PPARGC1A: variants seen among roughly 807,000 people sequenced by gnomAD.
PPARGC1A encodes PPARG coactivator 1 alpha.
Under a neutral mutation model 88.7 loss-of-function variants are expected in PPARGC1A, and 25 were observed. That is an observed-to-expected ratio of 0.28 (90% CI 0.21 to 0.39). The LOEUF is 0.39. Ranked by LOEUF, PPARGC1A falls within the 10% of genes least tolerant of loss-of-function variation. The pLI is 1.00. For synonymous variants in PPARGC1A, 363 were observed against 355.6 expected, an observed-to-expected ratio of 1.02 and a Z score of -0.24; for missense variants, 880 against 968.7, an observed-to-expected ratio of 0.91 and a Z score of 1.22.
the PPARGC1A span, among the ~76,000 whole-genome samples, chr4:24,387,263 ATGT>A: frequency 1.3e-5 from 2 of 152,230 alleles, no homozygotes; most frequent in Non-Finnish European, 2.9e-5. Context: ...AAAGACTTAA[ATGT>A]AAGACCTAAA....
chr4:23,842,886 A>G (rs1727313669), intron 2 of PPARGC1A, among the ~76,000 whole-genome samples: 1 of 152,156 alleles, frequency 6.6e-6, no homozygotes, highest in African/African-American at 2.4e-5. Context: ...CATCTATGCT[A>G]GATTTATTCT....
At chr4:23,879,179 T>G (rs1234776790) in intron 2 of PPARGC1A, among the ~76,000 whole-genome samples, 1 of 152,238 alleles carries the variant, frequency 6.6e-6, no homozygotes, top group Admixed American at 6.5e-5. Flanking sequence ...TGAGGTTGTA[T>G]ATACATGCAT....
the PPARGC1A span, among the ~76,000 whole-genome samples, chr4:24,342,279 CA>C: frequency 4.6e-5 from 7 of 150,992 alleles, no homozygotes; most frequent in African/African-American, 1.2e-4. Context: ...ATTCAAGTTT[CA>C]AAAAAAAATC....
the PPARGC1A span, among the ~76,000 whole-genome samples, chr4:24,166,848 C>G: frequency 1.3e-5 from 2 of 152,196 alleles, no homozygotes; most frequent in South Asian, 4.1e-4. Context: ...GACAATACAC[C>G]TGGTCACCCA....
chr4:24,325,781 A>G, the PPARGC1A span, among the ~76,000 whole-genome samples: 6 of 152,108 alleles, frequency 3.9e-5, no homozygotes, highest in South Asian at 2.1e-4. Context: ...TAATCAATAC[A>G]GAGGCTACCC....
intron 7 of PPARGC1A, among the ~76,000 whole-genome samples, chr4:23,819,761 C>T (rs570296317): frequency 2.6e-5 from 4 of 152,238 alleles, no homozygotes; most frequent in South Asian, 4.1e-4. Flanking sequence ...CAGTAAGAGT[C>T]GCCAAGCATT....
chr4:24,383,259 A>C, the PPARGC1A span, among the ~76,000 whole-genome samples: 1 of 152,226 alleles, frequency 6.6e-6, no homozygotes, highest in Non-Finnish European at 1.5e-5. Flanking sequence ...AAATCCACAA[A>C]GGTGAGGAAA....
the PPARGC1A span, among the ~76,000 whole-genome samples, chr4:23,973,366 T>C: frequency 2.6e-4 from 40 of 152,208 alleles, no homozygotes; most frequent in Non-Finnish European, 5.3e-4. Context: ...GTTAAAAAGA[T>C]GGAATCTAAA....
intron 2 of PPARGC1A, among the ~76,000 whole-genome samples, chr4:23,842,794 T>G (rs1727295020): frequency 6.6e-6 from 1 of 152,156 alleles, no homozygotes; most frequent in Non-Finnish European, 1.5e-5. Flanking sequence ...ACCCAGGCGA[T>G]TCTGATAATC....
At chr4:23,990,250 G>C in the PPARGC1A span, among the ~76,000 whole-genome samples, 1 of 149,790 alleles carries the variant, frequency 6.7e-6, no homozygotes, top group Non-Finnish European at 1.5e-5. Flanking sequence ...ATAATAAATT[G>C]AGCCTTTTTG....
the PPARGC1A span, among the ~76,000 whole-genome samples, chr4:24,127,932 A>G: frequency 8.7e-4 from 133 of 152,324 alleles, 2 homozygotes; most frequent in East Asian, 0.024. Flanking sequence ...AATCAGACAA[A>G]GACTAGTTTC....
intron 12 of PPARGC1A, among the ~76,000 whole-genome samples, chr4:23,800,343 G>C (rs753123207): frequency 2.0e-5 from 3 of 151,966 alleles, no homozygotes; most frequent in Non-Finnish European, 4.4e-5. Context: ...ACATTAGATG[G>C]GGAATGACAT....
the PPARGC1A span, among the ~76,000 whole-genome samples, chr4:23,932,908 C>T: frequency 1.3e-5 from 2 of 152,146 alleles, no homozygotes; most frequent in Non-Finnish European, 2.9e-5. Context: ...GAATCAGTCT[C>T]GCCGTTCTAA....
the PPARGC1A span, among the ~76,000 whole-genome samples, chr4:24,107,756 T>C: frequency 1.1e-3 from 165 of 152,306 alleles, no homozygotes; most frequent in African/African-American, 3.7e-3. Flanking sequence ...ATGGAGGACT[T>C]CTGAGAGAGG....
the PPARGC1A span, among the ~76,000 whole-genome samples, chr4:24,342,999 T>C: frequency 6.6e-6 from 1 of 152,204 alleles, no homozygotes; most frequent in East Asian, 1.9e-4. Context: ...GTTATGATGT[T>C]CTTAATGAGT....
the PPARGC1A span, among the ~76,000 whole-genome samples, chr4:24,253,127 C>T: frequency 6.6e-6 from 1 of 152,118 alleles, no homozygotes; most frequent in African/African-American, 2.4e-5. Flanking sequence ...TGCAGGAAAA[C>T]TTTCTAACCT....
At chr4:24,432,486 A>C in the PPARGC1A span, among the ~76,000 whole-genome samples, 3 of 152,230 alleles carry the variant, frequency 2.0e-5, no homozygotes, top group Non-Finnish European at 4.4e-5. Flanking sequence ...GACTGACTTC[A>C]TATGGTGTCA....
the PPARGC1A span, among the ~76,000 whole-genome samples, chr4:23,923,862 C>A: frequency 6.6e-6 from 1 of 152,164 alleles, no homozygotes; most frequent in African/African-American, 2.4e-5. Context: ...TCTTTATATT[C>A]TCATTCTTTT....
the PPARGC1A span, among the ~76,000 whole-genome samples, chr4:23,973,574 G>T: frequency 6.6e-6 from 1 of 152,284 alleles, no homozygotes; most frequent in East Asian, 1.9e-4. Flanking sequence ...TTCTATGCAT[G>T]ATTTGAATTT....
Sources: allele counts gnomAD v4.1 joint callset (sites outside exome capture counted in the v4.1 genomes callset), GRCh38; gene constraint gnomAD v4.1.1; transcripts MANE v1.5; gene names NCBI Gene and HGNC (gene_info 2026-07-23, HGNC 2026-07-21).